The following EPHA6 variants were observed in gnomAD, a reference collection of about 807,000 sequenced individuals.
The protein encoded by EPHA6 is ephrin type-A receptor 6.
EPHA6 carries 50 observed loss-of-function variants against 112.0 expected under a neutral mutation model. That is an observed-to-expected ratio of 0.45 (90% CI 0.36 to 0.56). The LOEUF is 0.56. Among genes scored for constraint, EPHA6 ranks in the 20% least tolerant of loss-of-function variants. The pLI is 0.00. For synonymous variants in EPHA6, 529 were observed against 490.7 expected, an observed-to-expected ratio of 1.08 and a Z score of -1.03; for missense variants, 1,280 against 1,417.4, an observed-to-expected ratio of 0.90 and a Z score of 1.56.
chr3:97,553,422 A>C (rs1387608818), intron 11 of EPHA6, among the ~76,000 whole-genome samples: 1 of 152,090 alleles, frequency 6.6e-6, no homozygotes. Flanking sequence ...TGGATAATTT[A>C]TGAAGAAAAG....
At chr3:97,198,098 G>C (rs548809965) in intron 3 of EPHA6, among the ~76,000 whole-genome samples, 1 of 152,166 alleles carries the variant, frequency 6.6e-6, no homozygotes, top group Admixed American at 6.6e-5. Flanking sequence ...CACTGTTCAT[G>C]CCTCTTTCCT....
chr3:97,581,094 C>G (rs748877638), intron 11 of EPHA6, among the ~76,000 whole-genome samples: 5 of 152,160 alleles, frequency 3.3e-5, no homozygotes, highest in Non-Finnish European at 7.3e-5. Context: ...TTGCTCCACC[C>G]TCAAGATCGT....
intron 2 of EPHA6, among the ~76,000 whole-genome samples, chr3:96,934,007 G>A (rs1186394227): frequency 6.6e-6 from 1 of 151,864 alleles, no homozygotes; most frequent in Non-Finnish European, 1.5e-5. Flanking sequence ...ATTATTTTAT[G>A]TACCAAATAA....
At chr3:96,846,559 A>G (rs1208240217) in intron 1 of EPHA6, among the ~76,000 whole-genome samples, 1 of 152,058 alleles carries the variant, frequency 6.6e-6, no homozygotes, top group Admixed American at 6.6e-5. Flanking sequence ...GAAAAATAAG[A>G]TAGAATTAAA....
Position 97,363,226 on chromosome 3 carries a change from AT to A in EPHA6, c.1607-41923del, listed in dbSNP as rs1336574059. 2.5e-4 allele frequency among the ~76,000 whole-genome samples: 18 copies of A among 71,078 alleles called. 1 individual carries two copies. Among genetic ancestry groups the A allele is most frequent in the Admixed American group, 1.3e-3 (9 of 6,902 alleles). 46.6% of individuals were successfully genotyped at this position (71,078 alleles called of 152,430 possible). On this transcript the variant is annotated intron_variant, in intron 5 of 17. Coordinates refer to ENST00000389672, the MANE Select transcript of EPHA6 (RefSeq NM_001080448.3). ...TATATATATATATATATATATATAT[AT>A]ATATATATATAAATCTCAGATGCTA...
At chr3:97,512,105 A>C (rs765905857) in intron 10 of EPHA6, among the ~76,000 whole-genome samples, 67 of 152,332 alleles carry the variant, frequency 4.4e-4, no homozygotes, top group Non-Finnish European at 7.1e-4. Flanking sequence ...TAAAATAATA[A>C]GGTTTACATT....
intron 3 of EPHA6, among the ~76,000 whole-genome samples, chr3:97,046,356 A>G (rs1200892043): frequency 6.6e-6 from 1 of 152,138 alleles, no homozygotes; most frequent in Admixed American, 6.5e-5. Flanking sequence ...AATTCCTTTG[A>G]TAGATTTTAA....
At chr3:97,448,546 C>G (rs372575450) in intron 6 of EPHA6, 22 bp from the exon 7 acceptor site, 48 of 1,611,122 alleles carry the variant, frequency 3.0e-5, no homozygotes, top group Non-Finnish European at 3.9e-5. Context: ...CATTTCCTTT[C>G]TCCTTTTTTT....
At chr3:97,177,435 T>C (rs1225263232) in intron 3 of EPHA6, among the ~76,000 whole-genome samples, 2 of 152,032 alleles carry the variant, frequency 1.3e-5, no homozygotes, top group East Asian at 3.9e-4. Flanking sequence ...CCTTGTTGAT[T>C]TTCTGTCCAG....
At chr3:96,854,179 C>CTTTT (rs781751530) in intron 1 of EPHA6, among the ~76,000 whole-genome samples, 3 of 131,262 alleles carry the variant, frequency 2.3e-5, no homozygotes, top group Non-Finnish European at 4.9e-5. Context: ...TTAATCATGA[C>CTTTT]TTTTTTTTTT....
intron 3 of EPHA6, among the ~76,000 whole-genome samples, chr3:97,092,728 A>G (rs2047112136): frequency 1.3e-5 from 2 of 152,116 alleles, no homozygotes; most frequent in South Asian, 4.1e-4. Flanking sequence ...AATTGTATTT[A>G]GACCCATCCA....
At chr3:97,567,128 T>C (rs2093277059) in intron 11 of EPHA6, among the ~76,000 whole-genome samples, 1 of 152,198 alleles carries the variant, frequency 6.6e-6, no homozygotes, top group Admixed American at 6.5e-5. Flanking sequence ...GGCACACTTA[T>C]TGTTGTAGTG....
chr3:97,040,484 C>T (rs2045273545), intron 3 of EPHA6, among the ~76,000 whole-genome samples: 1 of 151,900 alleles, frequency 6.6e-6, no homozygotes, highest in Admixed American at 6.6e-5. Context: ...GTGTGTAAGC[C>T]ATTTTCAATT....
intron 2 of EPHA6, among the ~76,000 whole-genome samples, chr3:96,951,805 A>G (rs562475800): frequency 6.6e-6 from 1 of 152,294 alleles, no homozygotes; most frequent in South Asian, 2.1e-4. Flanking sequence ...AGGACAATAC[A>G]CTATAGAGTA....
At chr3:97,661,127 G>C (rs372801424) in intron 14 of EPHA6, among the ~76,000 whole-genome samples, 1 of 152,056 alleles carries the variant, frequency 6.6e-6, no homozygotes, top group Non-Finnish European at 1.5e-5. Context: ...ACATCTCTTT[G>C]TGTGGTGCTG....
chr3:97,199,089 GA>G (rs1350667642), intron 3 of EPHA6, among the ~76,000 whole-genome samples: 2 of 152,142 alleles, frequency 1.3e-5, no homozygotes, highest in Non-Finnish European at 2.9e-5. Context: ...AGGCATATAT[GA>G]GATGAGAAAG....
chr3:97,044,900 C>G (rs561910677), intron 3 of EPHA6, among the ~76,000 whole-genome samples: 6 of 151,856 alleles, frequency 4.0e-5, no homozygotes, highest in Non-Finnish European at 7.4e-5. Context: ...AAGATAAATA[C>G]AAAGAACTTT....
At chr3:97,194,533 T>C (rs1268701249) in intron 3 of EPHA6, among the ~76,000 whole-genome samples, 1 of 152,072 alleles carries the variant, frequency 6.6e-6, no homozygotes, top group East Asian at 1.9e-4. Flanking sequence ...GAGAAGAATG[T>C]GTATTTGCAG....
At chr3:97,004,019 C>T (rs2043781258) in intron 3 of EPHA6, among the ~76,000 whole-genome samples, 2 of 152,132 alleles carry the variant, frequency 1.3e-5, no homozygotes, top group South Asian at 4.2e-4. Flanking sequence ...ATATAGATAC[C>T]ACGTTTCTGT....
Sources: allele counts gnomAD v4.1 joint callset (sites outside exome capture counted in the v4.1 genomes callset), GRCh38; gene constraint gnomAD v4.1.1; transcripts MANE v1.5; gene names NCBI Gene and HGNC (gene_info 2026-07-23, HGNC 2026-07-21).